Variants in BACE1 observed in about 807,000 individuals in gnomAD.
The protein encoded by BACE1 is beta-secretase 1.
BACE1 carries 21 observed loss-of-function variants against 54.0 expected under a neutral mutation model. The observed-to-expected ratio is 0.39, with a 90% confidence interval of 0.28 to 0.56. BACE1 has a LOEUF of 0.56. Ranked by LOEUF, BACE1 falls within the 20% of genes least tolerant of loss-of-function variation. The pLI is 0.63. For synonymous variants in BACE1, 232 were observed against 260.9 expected, an observed-to-expected ratio of 0.89 and a Z score of 1.07; for missense variants, 511 against 661.2, an observed-to-expected ratio of 0.77 and a Z score of 2.49.
At position 117,296,753 on chromosome 11, in the gene BACE1, C is replaced by T. The variant is rs564146004; in HGVS notation, c.350+120G>A. 13 of 793,606 alleles carry T rather than the reference C, an allele frequency of 1.6e-5. No individual in the cohort carries two copies. The African/African-American group carries it at 2.1e-4, about 13-fold the overall frequency. The allele number at this position is 793,606 out of a possible 1,614,324, so 49.2% of individuals were successfully genotyped here. The stretch of plus-strand genomic sequence containing the variant: ...GTCACTGTCTTTTTTTCGCCCTTCC[C>T]CTTCCCTGGCAAGAAGAAAATCTGA... On this transcript the variant is annotated intron_variant, in intron 2 of 8. Transcript: ENST00000313005.
At chr11:117,291,129 G>A in intron 6 of BACE1, 80 bp from the exon 7 acceptor site, 1 of 1,518,252 alleles carries the variant, frequency 6.6e-7, no homozygotes, top group Non-Finnish European at 8.9e-7. Flanking sequence ...TACATTAACT[G>A]GGCCCTTCAT....
rs1326144661 is a variant in BACE1 at position 117,289,429 on chromosome 11, A to C, written c.*137T>G. 1.8e-5 allele frequency: 25 copies of C among 1,413,522 alleles called. No homozygotes were observed. The highest frequency in any genetic ancestry group is 2.3e-5 in the Non-Finnish European group (25 of 1,065,844). The allele number at this position is 1,413,522 out of a possible 1,614,324, so 87.6% of individuals were successfully genotyped here. Reference sequence around the variant, plus strand: ...TTGCCAGCCTTTTCCTTCTCCATCAAGGCAGAGGCATTTGGTGGGTGGGGA... The same window carrying C: ...TTGCCAGCCTTTTCCTTCTCCATCACGGCAGAGGCATTTGGTGGGTGGGGA... On this transcript the variant is annotated 3_prime_UTR_variant, in exon 9 of 9. Transcript: ENST00000313005.
chr11:117,289,613 G>T lies in BACE1; in HGVS notation c.1459C>A (p.Arg487Ser). The change falls in exon 9 of 9, where the codon CGC (arginine) becomes AGC (serine). Residue 487 changes from arginine (R) to serine (S), a missense_variant. Physicochemically the swap from Arg to Ser is moderately radical, Grantham distance 110. This residue lies in a region of BACE1 where 407 missense variants were observed against 565.7 expected (regional missense o/e 0.72). Coordinates refer to ENST00000313005, the MANE Select transcript of BACE1 (RefSeq NM_012104.6). Reference sequence around the variant, plus strand: ...TCAGCAAAGTCATCATGCTGCTGGCGCAGGCAGCGGAGGCAGCGCCACTGA... The same window carrying T: ...TCAGCAAAGTCATCATGCTGCTGGCTCAGGCAGCGGAGGCAGCGCCACTGA... ...VCQWRCLRCL[R>S]QQHDDFADDI... 1.9e-6 allele frequency: 3 copies of T among 1,614,138 alleles called. No individual in the cohort carries two copies. In the East Asian group the frequency reaches 6.7e-5, roughly 36 times the overall value.
Position 117,293,579 on chromosome 11 carries a change from C to T in BACE1, c.705+292G>A, listed in dbSNP as rs916518416. 3.4e-6 allele frequency: 1 copy of T among 298,098 alleles called. No homozygotes were observed. Among genetic ancestry groups the T allele is most frequent in the Middle Eastern group, 9.4e-4 (1 of 1,062 alleles). The allele number at this position is 298,098 out of a possible 1,614,324, so 18.5% of individuals were successfully genotyped here. A position where few individuals can be genotyped will look rare whatever the true frequency, so the allele number is the denominator to read the frequency against. ...ATAGACAAACTTCTTATATCTCTGC[C>T]TTCTGACCATCAAACTGAATAATTT... On this transcript the variant is annotated intron_variant, in intron 4 of 8. Transcript: ENST00000313005. The surrounding 1 kb of genome is among the most constrained non-coding windows in gnomAD (Gnocchi z 4.1).
chr11:117,289,307 C>A lies in BACE1; in HGVS notation c.*259G>T. On this transcript the variant is annotated 3_prime_UTR_variant, in exon 9 of 9. Coordinates refer to ENST00000313005, the MANE Select transcript of BACE1 (RefSeq NM_012104.6). ...CTGAAGTTTCAAGCAGCAGAATTTCCCGACTTAAATTTGAGGTGACCAAGA... is the reference window on the plus strand; with the variant it reads ...CTGAAGTTTCAAGCAGCAGAATTTCACGACTTAAATTTGAGGTGACCAAGA... 1 of 453,924 alleles carries A rather than the reference C, an allele frequency of 2.2e-6. No individual in the cohort carries two copies. Among genetic ancestry groups the A allele is most frequent in the South Asian group, 3.8e-5 (1 of 26,026 alleles). The allele number at this position is 453,924 out of a possible 1,614,324, so 28.1% of individuals were successfully genotyped here.
In BACE1 at chr11:117,287,775, G is replaced by C. The variant is rs561399394; in HGVS notation, c.*1791C>G. 6.5e-6 allele frequency: 1 copy of C among 152,786 alleles called. No homozygotes were observed. Among genetic ancestry groups the C allele is most frequent in the East Asian group, 1.9e-4 (1 of 5,186 alleles). 9.5% of individuals were successfully genotyped at this position (152,786 alleles called of 1,614,324 possible). A position where few individuals can be genotyped will look rare whatever the true frequency, so the allele number is the denominator to read the frequency against. ...TCCCAGTCAGCCAAAGCAGCACCAA[G>C]TGCAGTGGGAATGAAGAGAACCCAG... On this transcript the variant is annotated 3_prime_UTR_variant, in exon 9 of 9. Transcript: ENST00000313005.
chr11:117,309,393 C>T (rs185282555), intron 1 of BACE1, among the ~76,000 whole-genome samples: 73 of 152,354 alleles, frequency 4.8e-4, no homozygotes, highest in African/African-American at 1.7e-3. Context: ...CCACAGTTCA[C>T]GCTTTTCTTC....
At chr11:117,313,651 T>C (rs914274679) in intron 1 of BACE1, among the ~76,000 whole-genome samples, 1 of 152,228 alleles carries the variant, frequency 6.6e-6, no homozygotes, top group African/African-American at 2.4e-5. Flanking sequence ...TTAGCCAAGC[T>C]GGTCTCGAAC....
At position 117,305,378 on chromosome 11, in the gene BACE1, C is replaced by T. The variant is rs143207961; in HGVS notation, c.262-8417G>A. Among the ~76,000 whole-genome samples, 718 of 152,248 alleles carry T rather than the reference C, an allele frequency of 4.7e-3. 5 individuals are homozygous for T. The highest frequency in any genetic ancestry group is 0.016 in the African/African-American group (679 of 41,550). ...TCAGAGTCCAGCGACTGGGTCCTGT[C>T]CAGGTTCCTCCCACCTTGAACAAAT... On this transcript the variant is annotated intron_variant, in intron 1 of 8. Transcript: ENST00000313005.
chr11:117,305,592 C>A (rs960744718), intron 1 of BACE1, among the ~76,000 whole-genome samples: 1 of 151,776 alleles, frequency 6.6e-6, no homozygotes, highest in African/African-American at 2.4e-5. Context: ...ATCTAGTATA[C>A]CTTTCCCCCT....
In BACE1 at chr11:117,312,321, C is replaced by A. The variant is rs543915851; in HGVS notation, c.261+3214G>T. 1.8e-3 allele frequency among the ~76,000 whole-genome samples: 278 copies of A among 152,314 alleles called. 7 individuals carry two copies. The South Asian group carries it at 0.054, about 29-fold the overall frequency. ...TGGGATAGTATGGTGCCATCTGCCC[C>A]CTGGGAATAGCCTGCCACTCCTGTC... On this transcript the variant is annotated intron_variant, in intron 1 of 8. Coordinates refer to ENST00000313005, the MANE Select transcript of BACE1 (RefSeq NM_012104.6).
At chr11:117,309,708 A>G (rs1035372405) in intron 1 of BACE1, among the ~76,000 whole-genome samples, 5 of 152,160 alleles carry the variant, frequency 3.3e-5, no homozygotes, top group Non-Finnish European at 5.9e-5. Context: ...TATTATGTCT[A>G]TGTCTCACAT....
chr11:117,296,923 T>A lies in BACE1; in HGVS notation c.300A>T (p.Ala100=). The A allele has an allele frequency of 6.2e-7, 1 of 1,613,904 alleles. No homozygotes were observed. Among genetic ancestry groups the A allele is most frequent in the Non-Finnish European group, 8.5e-7 (1 of 1,179,924 alleles). The change falls in exon 2 of 9, where the codon GCA becomes GCT. Residue 100 remains alanine (A), a synonymous_variant. Transcript: ENST00000313005. The part of the protein sequence containing the change: ...ILVDTGSSNF[A]VGAAPHPFLH... ...GGAAGGGGTGGGGGGCAGCACCCAC[T>A]GCAAAGTTACTGCTGCCTGTATCCA...
At chr11:117,308,296 T>C (rs1380293365) in intron 1 of BACE1, among the ~76,000 whole-genome samples, 1 of 152,222 alleles carries the variant, frequency 6.6e-6, no homozygotes, top group African/African-American at 2.4e-5. Context: ...CTAATCATTT[T>C]TCTCCTTTCC....
Position 117,296,888 on chromosome 11 carries a change from T to A in BACE1, c.335A>T (p.Tyr112Phe). The A allele has an allele frequency of 6.2e-7, 1 of 1,613,360 alleles. No homozygotes were observed. The highest frequency in any genetic ancestry group is 8.5e-7 in the Non-Finnish European group (1 of 1,179,648). The change falls in exon 2 of 9, where the codon TAC (tyrosine) becomes TTC (phenylalanine). Residue 112 changes from tyrosine (Y) to phenylalanine (F), a missense_variant. Tyr to Phe is a conservative substitution (Grantham distance 22). This residue lies in a region of BACE1 where 407 missense variants were observed against 565.7 expected (regional missense o/e 0.72). Transcript: ENST00000313005. Reference protein sequence around the residue: ...GAAPHPFLHRYYQRQLSSTYR... With the variant: ...GAAPHPFLHRFYQRQLSSTYR... ...CAGGACTCACAGCTGCCTCTGGTAG[T>A]AGCGATGCAGGAAGGGGTGGGGGGC...
Position 117,315,961 on chromosome 11 carries a change from G to T in BACE1, c.-166C>A. 1.4e-6 allele frequency: 1 copy of T among 697,394 alleles called. No homozygotes were observed. Among genetic ancestry groups the T allele is most frequent in the Non-Finnish European group, 2.1e-6 (1 of 469,932 alleles). 43.2% of individuals were successfully genotyped at this position (697,394 alleles called of 1,614,324 possible). A position where few individuals can be genotyped will look rare whatever the true frequency, so the allele number is the denominator to read the frequency against. On this transcript the variant is annotated 5_prime_UTR_variant, in exon 1 of 9. Transcript: ENST00000313005. The surrounding 1 kb of genome is among the most constrained non-coding windows in gnomAD (Gnocchi z 5.5). ...CTGGGCCAGCCCCCGGGTCCGGGCT[G>T]TGGAGAGCGGTCAGGGGAGATCCGC...
rs987297207 is a variant in BACE1, at chr11:117,287,521, T to C, written c.*2045A>G. 9 of 152,582 alleles carry C rather than the reference T, an allele frequency of 5.9e-5. No homozygotes were observed. Among genetic ancestry groups the C allele is most frequent in the Non-Finnish European group, 1.3e-4 (9 of 68,030 alleles). The allele number at this position is 152,582 out of a possible 1,614,324, so 9.5% of individuals were successfully genotyped here. ...AAAAGAAAAACAAGTGCAAGTTTTC[T>C]TTAAAAAAATAATAGGCTGATGGGA... On this transcript the variant is annotated 3_prime_UTR_variant, in exon 9 of 9. Transcript: ENST00000313005.
Position 117,291,781 on chromosome 11 carries a change from G to T in BACE1, c.873C>A (p.Gly291=), listed in dbSNP as rs757786235. The T allele has an allele frequency of 6.2e-7, 1 of 1,613,188 alleles. No homozygotes were observed. ...TCTTGGGCAAACGAAGGTTGGTGGT[G>T]CCACTGTCCACAATGCTCTTGTCAT... ...YNYDKSIVDS[G]TTNLRLPKKV... is the part of the protein sequence containing the mutation. The change falls in exon 6 of 9, where the codon GGC becomes GGA. Residue 291 remains glycine, a synonymous_variant. Transcript: ENST00000313005.
At chr11:117,306,801 A>T (rs1318992684) in intron 1 of BACE1, among the ~76,000 whole-genome samples, 1 of 151,870 alleles carries the variant, frequency 6.6e-6, no homozygotes, top group Admixed American at 6.6e-5. Context: ...ACAGAGTGAG[A>T]CCCTGTCTCA....
Sources: allele counts gnomAD v4.1 joint callset (sites outside exome capture counted in the v4.1 genomes callset), GRCh38; gene constraint gnomAD v4.1.1; regional missense constraint gnomAD v4.1.1; non-coding constraint Gnocchi (gnomAD v3.1); transcripts MANE v1.5; gene names NCBI Gene and HGNC (gene_info 2026-07-23, HGNC 2026-07-21).